Variants in KDM4C observed in about 807,000 individuals in gnomAD.
The protein encoded by KDM4C is lysine-specific demethylase 4C.
In KDM4C, 81 loss-of-function variants were observed where a neutral mutation model predicts 129.3. That is an observed-to-expected ratio of 0.63 (90% CI 0.52 to 0.75). The LOEUF is 0.75. KDM4C is among the 30% of genes least tolerant of loss of function. The probability of loss-of-function intolerance (pLI) is 0.00; values close to 1 mark genes in which losing one functional copy is unlikely to be tolerated. For missense variants in KDM4C, 1,457 were observed against 1,304.0 expected (o/e 1.12, Z -1.81); for synonymous variants, 573 against 456.1 (o/e 1.26, Z -3.26).
At chr9:6,823,191 A>T (rs779274736) in intron 4 of KDM4C, among the ~76,000 whole-genome samples, 1 of 152,184 alleles carries the variant, frequency 6.6e-6, no homozygotes, top group Non-Finnish European at 1.5e-5. Context: ...GAGCGGTGAC[A>T]CATAGCTCCT....
At chr9:6,769,571 A>T (rs1480229931) in intron 1 of KDM4C, among the ~76,000 whole-genome samples, 1 of 152,222 alleles carries the variant, frequency 6.6e-6, no homozygotes, top group African/African-American at 2.4e-5. Flanking sequence ...AAGAATGAAA[A>T]TGAAGTAACA....
Position 6,919,303 on chromosome 9 carries a change from C to A in KDM4C, c.921+26071C>A, listed in dbSNP as rs373157327. 5.2e-5 allele frequency among the ~76,000 whole-genome samples: 6 copies of A among 115,350 alleles called. No homozygotes were observed. The East Asian group carries it at 1.3e-3, about 25-fold the overall frequency. The allele number at this position is 115,350 out of a possible 152,430, so 75.7% of individuals were successfully genotyped here. On this transcript the variant is annotated intron_variant, in intron 8 of 21. Coordinates refer to ENST00000381309, the MANE Select transcript of KDM4C (RefSeq NM_015061.6). ...TCTCTCTCTCTTTCTTTCTTTCTTT[C>A]ATTGAGATTTTGGATATTAGACCTT...
intron 7 of KDM4C, among the ~76,000 whole-genome samples, chr9:6,890,386 A>G (rs1381833356): frequency 1.3e-5 from 2 of 152,186 alleles, no homozygotes; most frequent in African/African-American, 4.8e-5. Flanking sequence ...TTCCTCTTCA[A>G]CTCAGCCCTC....
At chr9:6,938,888 TACTC>T (rs1394455179) in intron 8 of KDM4C, among the ~76,000 whole-genome samples, 1 of 152,152 alleles carries the variant, frequency 6.6e-6, no homozygotes, top group Non-Finnish European at 1.5e-5. Context: ...GAGGTTAACT[TACTC>T]ATGTTTCATT....
intron 17 of KDM4C, among the ~76,000 whole-genome samples, chr9:7,051,755 G>C (rs1178722857): frequency 6.6e-6 from 1 of 151,970 alleles, no homozygotes; most frequent in Non-Finnish European, 1.5e-5. Context: ...CATACAACTG[G>C]AAAATAATAA....
intron 1 of KDM4C, among the ~76,000 whole-genome samples, chr9:6,778,867 G>C (rs1823677703): frequency 6.6e-6 from 1 of 150,682 alleles, no homozygotes; most frequent in Non-Finnish European, 1.5e-5. Context: ...GCCCAGACTG[G>C]AGTGCAAGTG....
chr9:6,988,074 G>A (rs1818041499), intron 11 of KDM4C, among the ~76,000 whole-genome samples: 1 of 145,804 alleles, frequency 6.9e-6, no homozygotes, highest in Non-Finnish European at 1.5e-5. Flanking sequence ...AGGATCACTC[G>A]AGCTCAGGAA....
At chr9:6,908,025 G>A (rs1380874411) in intron 8 of KDM4C, among the ~76,000 whole-genome samples, 1 of 152,136 alleles carries the variant, frequency 6.6e-6, no homozygotes, top group African/African-American at 2.4e-5. Flanking sequence ...GTAAGGAATG[G>A]ATTTTCCTTA....
At chr9:6,781,762 G>A (rs1373471657) in intron 1 of KDM4C, among the ~76,000 whole-genome samples, 1 of 152,006 alleles carries the variant, frequency 6.6e-6, no homozygotes, top group Admixed American at 6.6e-5. Flanking sequence ...TGCGCTATGC[G>A]TGTCTGTGAA....
chr9:6,879,949 G>A (rs774754492), intron 5 of KDM4C, 63 bp from the exon 6 acceptor site: 27 of 736,858 alleles, frequency 3.7e-5, no homozygotes, highest in Non-Finnish European at 5.7e-5. Context: ...AGGAATAGAT[G>A]TCCTTAGGCT....
At chr9:6,765,715 C>A (rs1229796151) in intron 1 of KDM4C, among the ~76,000 whole-genome samples, 1 of 149,888 alleles carries the variant, frequency 6.7e-6, no homozygotes, top group Non-Finnish European at 1.5e-5. Context: ...CATCGTGACC[C>A]AACACACATA....
At chr9:7,055,052 C>T (rs939999116) in intron 17 of KDM4C, among the ~76,000 whole-genome samples, 2 of 152,110 alleles carry the variant, frequency 1.3e-5, no homozygotes, top group Non-Finnish European at 2.9e-5. Flanking sequence ...GTGGTGCATG[C>T]TTGTAGTACC....
intron 18 of KDM4C, among the ~76,000 whole-genome samples, chr9:7,114,112 A>G (rs1360156073): frequency 6.6e-6 from 1 of 152,184 alleles, no homozygotes; most frequent in Non-Finnish European, 1.5e-5. Flanking sequence ...TTTGATGTAA[A>G]ACATATTCAG....
chr9:6,899,390 C>G (rs1372597788), intron 8 of KDM4C, among the ~76,000 whole-genome samples: 5 of 151,996 alleles, frequency 3.3e-5, no homozygotes, highest in African/African-American at 9.7e-5. Context: ...ACCCAGGCAA[C>G]CAGACCAAAG....
At position 7,103,851 on chromosome 9, in the gene KDM4C, A is replaced by T. The variant is rs1341890911; in HGVS notation, c.2591A>T (p.His864Leu). 1 of 1,613,950 alleles carries T rather than the reference A, an allele frequency of 6.2e-7. No homozygotes were observed. ...PYVVNITCFR[H>L]KVNPNVKSKA... ...GTGGTGAACATTACATGCTTTCGAC[A>T]TAAGGTCAACCCCAACGTGGTAAGA... The change falls in exon 18 of 22, where the codon CAT (histidine) becomes CTT (leucine). Residue 864 changes from histidine (H) to leucine (L), a missense_variant. Coordinates refer to ENST00000381309, the MANE Select transcript of KDM4C (RefSeq NM_015061.6).
chr9:6,720,990 A>G (rs1455905487), exon 1 of KDM4C: 1 of 1,551,572 alleles, frequency 6.4e-7, no homozygotes, highest in Non-Finnish European at 8.7e-7. Context: ...CTGAAGAAGC[A>G]GCTGCAGGTG....
In KDM4C at chr9:7,107,478, A is replaced by G. The variant is rs73409588; in HGVS notation, c.2610+3608A>G. ...TAACAGAGGTGAGAAAATGGCATGC[A>G]ATGTTTTTTCCTGGCAAGTTACTTA... On this transcript the variant is annotated intron_variant, in intron 18 of 21. Coordinates refer to ENST00000381309, the MANE Select transcript of KDM4C (RefSeq NM_015061.6). Among the ~76,000 whole-genome samples the G allele has an allele frequency of 6.4e-3, 979 of 152,332 alleles. 12 individuals carry two copies. Among genetic ancestry groups the G allele is most frequent in the African/African-American group, 0.022 (919 of 41,568 alleles).
chr9:6,880,024 T>C lies in KDM4C; in HGVS notation c.642T>C (p.Pro214=). 1 of 1,596,164 alleles carries C rather than the reference T, an allele frequency of 6.3e-7. No homozygotes were observed. The highest frequency in any genetic ancestry group is 1.1e-5 in the South Asian group (1 of 89,012). The change falls in exon 6 of 22, where the codon CCT becomes CCC. Residue 214 remains proline, a synonymous_variant. Transcript: ENST00000381309. ...FGEPKSWYAI[P]PEHGKRLERL... is the part of the protein sequence containing the mutation. ...TTTAAAATTTTAGGTATGCTATACC[T>C]CCGGAGCATGGAAAACGACTTGAAA...
chr9:6,880,033 T>C lies in KDM4C; in HGVS notation c.651T>C (p.His217=), dbSNP rs200962507. 1.2e-6 allele frequency: 2 copies of C among 1,600,610 alleles called. No individual in the cohort carries two copies. Among genetic ancestry groups the C allele is most frequent in the Middle Eastern group, 1.8e-4 (1 of 5,544 alleles). Residue 217 remains histidine, a synonymous_variant, in exon 6 of 22, where the codon CAT becomes CAC. Coordinates refer to ENST00000381309, the MANE Select transcript of KDM4C (RefSeq NM_015061.6). The part of the protein sequence containing the change: ...PKSWYAIPPE[H]GKRLERLAQG... ...TTAGGTATGCTATACCTCCGGAGCA[T>C]GGAAAACGACTTGAAAGACTAGCTC...
Sources: gnomAD v4.1 joint callset for allele counts (sites outside exome capture counted in the v4.1 genomes callset) on GRCh38, gnomAD v4.1.1 for gene constraint, MANE v1.5 for transcripts, NCBI Gene and HGNC (gene_info 2026-07-23, HGNC 2026-07-21) for gene names.